The following NAALAD2 variants were observed in gnomAD, a reference collection of about 807,000 sequenced individuals.
NAALAD2 encodes N-acetylated alpha-linked acidic dipeptidase 2.
Under a neutral mutation model 95.6 loss-of-function variants are expected in NAALAD2, and 89 were observed. That is an observed-to-expected ratio of 0.93 (90% CI 0.78 to 1.11). NAALAD2 has a LOEUF of 1.11. Among genes scored for constraint, NAALAD2 ranks in the 50% least tolerant of loss-of-function variants. NAALAD2 has a pLI of 0.00. For missense variants in NAALAD2, 894 were observed against 872.4 expected (o/e 1.02, Z -0.31); for synonymous variants, 264 against 294.4 (o/e 0.90, Z 1.06).
intron 2 of NAALAD2, among the ~76,000 whole-genome samples, chr11:90,145,005 G>C (rs1257339139): frequency 1.3e-5 from 2 of 152,010 alleles, no homozygotes; most frequent in Non-Finnish European, 2.9e-5. Context: ...TTCAGTAAAG[G>C]TTACCTTCCT....
At chr11:90,171,845 G>A (rs142543714) in intron 13 of NAALAD2, among the ~76,000 whole-genome samples, 1 of 152,246 alleles carries the variant, frequency 6.6e-6, no homozygotes, top group Non-Finnish European at 1.5e-5. Context: ...TGCTAAATAA[G>A]AGGAGGGCTA....
chr11:90,175,891 T>C, intron 14 of NAALAD2, 81 bp from the exon 15 acceptor site: 1 of 789,004 alleles, frequency 1.3e-6, no homozygotes, highest in Non-Finnish European at 2.1e-6. Context: ...CAGGATTCCT[T>C]GTCCCATCTA....
intron 18 of NAALAD2, among the ~76,000 whole-genome samples, chr11:90,186,271 T>C (rs1857139523): frequency 1.3e-5 from 2 of 151,450 alleles, no homozygotes; most frequent in South Asian, 4.2e-4. Flanking sequence ...AGTGAGAATA[T>C]GCGGTGTTTG....
intron 4 of NAALAD2, among the ~76,000 whole-genome samples, chr11:90,149,992 C>T (rs1951845449): frequency 6.6e-6 from 1 of 152,084 alleles, no homozygotes; most frequent in South Asian, 2.1e-4. Flanking sequence ...TGGCTCACAC[C>T]TGTAATCCCA....
intron 2 of NAALAD2, among the ~76,000 whole-genome samples, chr11:90,137,756 A>G (rs1590951971): frequency 6.6e-6 from 1 of 152,096 alleles, no homozygotes; most frequent in East Asian, 1.9e-4. Flanking sequence ...GACATGCATC[A>G]CCACACCCAG....
At chr11:90,180,119 A>G (rs777896448) in intron 16 of NAALAD2, among the ~76,000 whole-genome samples, 5 of 152,046 alleles carry the variant, frequency 3.3e-5, no homozygotes, top group Non-Finnish European at 1.5e-5. Flanking sequence ...CTCCCTGTCT[A>G]TAGTTTTTTA....
At chr11:90,171,266 T>C (rs1255184300) in intron 13 of NAALAD2, among the ~76,000 whole-genome samples, 6 of 152,190 alleles carry the variant, frequency 3.9e-5, no homozygotes, top group Admixed American at 3.3e-4. Flanking sequence ...GAAGTAGATA[T>C]CACTTCTCTC....
intron 4 of NAALAD2, among the ~76,000 whole-genome samples, chr11:90,149,848 A>G (rs1951842158): frequency 6.6e-6 from 1 of 152,192 alleles, no homozygotes; most frequent in Admixed American, 6.5e-5. Flanking sequence ...AATTAATGCA[A>G]TGGTTGGAAA....
intron 13 of NAALAD2, among the ~76,000 whole-genome samples, chr11:90,170,446 TAAA>T (rs1328467391): frequency 2.0e-5 from 3 of 152,162 alleles, no homozygotes; most frequent in South Asian, 4.1e-4. Flanking sequence ...GGCATACAGT[TAAA>T]AAACTGTCTT....
chr11:90,160,787 T>C lies in NAALAD2; in HGVS notation c.989+1450T>C, dbSNP rs1237759034. 5.9e-5 allele frequency among the ~76,000 whole-genome samples: 9 copies of C among 152,136 alleles called. No individual in the cohort carries two copies. The East Asian group carries it at 1.7e-3, about 29-fold the overall frequency. ...ACTCAAAAACATAAACATTCCTAGGTCTAGATATAAAATAGCTGTGCTCCT... is the reference window on the plus strand; with the variant it reads ...ACTCAAAAACATAAACATTCCTAGGCCTAGATATAAAATAGCTGTGCTCCT... On this transcript the variant is annotated intron_variant, in intron 8 of 18. Transcript: ENST00000534061.
At chr11:90,179,081 A>G (rs1015074027) in intron 16 of NAALAD2, among the ~76,000 whole-genome samples, 2 of 152,252 alleles carry the variant, frequency 1.3e-5, no homozygotes, top group African/African-American at 2.4e-5. Flanking sequence ...AAAAGATAAA[A>G]AAGAACATAT....
intron 8 of NAALAD2, among the ~76,000 whole-genome samples, chr11:90,161,159 AG>A (rs1251201689): frequency 6.6e-6 from 1 of 151,444 alleles, no homozygotes; most frequent in East Asian, 1.9e-4. Flanking sequence ...AATTGGTTTA[AG>A]CTGCCCATAC....
intron 4 of NAALAD2, among the ~76,000 whole-genome samples, chr11:90,149,406 G>A (rs1315046318): frequency 6.6e-6 from 1 of 152,024 alleles, no homozygotes; most frequent in African/African-American, 2.4e-5. Context: ...GGCAGTAGGT[G>A]TTTTTTTGTT....
In NAALAD2 at chr11:90,138,725, C is replaced by CTTTTTTTTTTTTTTTTTTTTTT. The variant is rs562496549; in HGVS notation, c.194+3068_194+3089dup. Among the ~76,000 whole-genome samples the CTTTTTTTTTTTTTTTTTTTTTT allele has an allele frequency of 9.8e-5, 6 of 61,486 alleles. 2 individuals are homozygous for CTTTTTTTTTTTTTTTTTTTTTT. Among genetic ancestry groups the CTTTTTTTTTTTTTTTTTTTTTT allele is most frequent in the Non-Finnish European group, 1.9e-4 (6 of 31,324 alleles). 40.3% of individuals were successfully genotyped at this position (61,486 alleles called of 152,430 possible). A position where few individuals can be genotyped will look rare whatever the true frequency, so the allele number is the denominator to read the frequency against. On this transcript the variant is annotated intron_variant, in intron 2 of 18. Transcript: ENST00000534061. ...TATCATGAAACCCTTCATCCCTCAA[C>CTTTTTTTTTTTTTTTTTTTTTT]TTTTTTTTTTTTTTTTTTTTTTTTT...
At chr11:90,147,250 G>A (rs1229850913) in intron 2 of NAALAD2, 80 bp from the exon 3 acceptor site, 2 of 1,060,850 alleles carry the variant, frequency 1.9e-6, no homozygotes, top group East Asian at 4.7e-5. Context: ...CAATGCATAA[G>A]TAGTGCATTT....
chr11:90,152,298 G>A lies in NAALAD2; in HGVS notation c.610G>A (p.Val204Ile), dbSNP rs778617123. 6.3e-7 allele frequency: 1 copy of A among 1,586,496 alleles called. No individual in the cohort carries two copies. Among genetic ancestry groups the A allele is most frequent in the African/African-American group, 1.3e-5 (1 of 74,486 alleles). The change falls in exon 6 of 19, where the codon GTT becomes ATT. Residue 204 changes from valine (V) to isoleucine (I), a missense_variant and splice_region_variant. Val to Ile is a conservative substitution (Grantham distance 29). Transcript: ENST00000534061. ...RYGKIFRGNKVKNAMLAGAIG... is the reference protein window; with the variant it reads ...RYGKIFRGNKIKNAMLAGAIG... ...TATGAATTGCACATTGCCCCTGCAG[G>A]TTAAAAATGCCATGTTAGCAGGAGC... is the stretch of plus-strand genomic sequence containing the variant.
intron 11 of NAALAD2, among the ~76,000 whole-genome samples, chr11:90,167,474 T>C (rs1952503145): frequency 6.6e-6 from 1 of 152,178 alleles, no homozygotes; most frequent in African/African-American, 2.4e-5. Flanking sequence ...GAGCACCGCT[T>C]CCTGCTCCAC....
chr11:90,140,862 G>A (rs1028520000), intron 2 of NAALAD2, among the ~76,000 whole-genome samples: 2 of 151,964 alleles, frequency 1.3e-5, no homozygotes, highest in African/African-American at 2.4e-5. Context: ...TAAAGTTTCT[G>A]ACCTATTTTG....
At chr11:90,138,720 C>G (rs1448344407) in intron 2 of NAALAD2, among the ~76,000 whole-genome samples, 1 of 131,050 alleles carries the variant, frequency 7.6e-6, no homozygotes, top group African/African-American at 2.8e-5. Context: ...CCCTTCATCC[C>G]TCAACTTTTT....
Sources: gnomAD v4.1 joint callset for allele counts (sites outside exome capture counted in the v4.1 genomes callset) on GRCh38, gnomAD v4.1.1 for gene constraint, MANE v1.5 for transcripts, NCBI Gene and HGNC (gene_info 2026-07-23, HGNC 2026-07-21) for gene names.